Variants in SDK1 observed in about 807,000 individuals in gnomAD.
SDK1 encodes protein sidekick-1.
In SDK1, 157 loss-of-function variants were observed where a neutral mutation model predicts 245.5. The observed-to-expected ratio is 0.64, with a 90% CI of 0.56 to 0.73. The LOEUF (loss-of-function observed/expected upper bound fraction) is 0.73, where lower values mean the gene tolerates loss of function less well. SDK1 is among the 30% of genes least tolerant of loss of function. The pLI is 0.00. For missense variants in SDK1, 3,583 were observed against 3,002.3 expected (o/e 1.19, Z -4.52); for synonymous variants, 1,647 against 1,278.5 (o/e 1.29, Z -6.15).
intron 1 of SDK1, among the ~76,000 whole-genome samples, chr7:3,588,387 G>A (rs914222194): frequency 1.3e-5 from 2 of 152,206 alleles, no homozygotes; most frequent in South Asian, 4.1e-4. Context: ...ATGCTAAATT[G>A]TGTTGCAGTT....
At chr7:4,258,684 C>A (rs186478558) in intron 44 of SDK1, among the ~76,000 whole-genome samples, 1 of 152,106 alleles carries the variant, frequency 6.6e-6, no homozygotes, top group Non-Finnish European at 1.5e-5. Flanking sequence ...AGACCCAAGA[C>A]GAGGAAATTG....
At chr7:3,965,960 G>A (rs934262907) in intron 9 of SDK1, among the ~76,000 whole-genome samples, 4 of 151,880 alleles carry the variant, frequency 2.6e-5, no homozygotes, top group Non-Finnish European at 5.9e-5. Context: ...TGACAAGCAG[G>A]GTGGCCATGA....
At chr7:3,478,370 T>C (rs1781410586) in intron 1 of SDK1, among the ~76,000 whole-genome samples, 1 of 152,140 alleles carries the variant, frequency 6.6e-6, no homozygotes, top group African/African-American at 2.4e-5. Context: ...AATATATTAT[T>C]AGTGCTCTTA....
At chr7:4,128,923 G>C (rs1239804053) in intron 26 of SDK1, among the ~76,000 whole-genome samples, 1 of 125,884 alleles carries the variant, frequency 7.9e-6, no homozygotes. Flanking sequence ...GAGGAGAGCA[G>C]CTTGGGGTGG....
chr7:3,622,610 G>A (rs1562609739), intron 2 of SDK1, among the ~76,000 whole-genome samples: 1 of 152,188 alleles, frequency 6.6e-6, no homozygotes, highest in African/African-American at 2.4e-5. Context: ...TGCAGGAAGA[G>A]GTGGAACACT....
intron 5 of SDK1, among the ~76,000 whole-genome samples, chr7:3,891,588 G>A (rs962526168): frequency 1.3e-5 from 2 of 151,980 alleles, no homozygotes; most frequent in Non-Finnish European, 2.9e-5. Flanking sequence ...GTCATTTTTC[G>A]TGCATGTCCT....
At chr7:3,610,410 C>G (rs1312681148) in intron 1 of SDK1, among the ~76,000 whole-genome samples, 1 of 152,138 alleles carries the variant, frequency 6.6e-6, no homozygotes, top group Non-Finnish European at 1.5e-5. Flanking sequence ...GATAACCTTA[C>G]TCTTATTTTG....
intron 1 of SDK1, among the ~76,000 whole-genome samples, chr7:3,602,307 G>A (rs1369888901): frequency 1.2e-4 from 18 of 151,176 alleles, no homozygotes; most frequent in African/African-American, 4.1e-4. Flanking sequence ...GTGTAAAAGT[G>A]TTCCTATTTC....
At chr7:3,621,459 A>G (rs866977079) in intron 2 of SDK1, among the ~76,000 whole-genome samples, 1 of 152,352 alleles carries the variant, frequency 6.6e-6, no homozygotes, top group African/African-American at 2.4e-5. Context: ...TGGAGTTTCA[A>G]AGAACCCAGA....
intron 38 of SDK1, among the ~76,000 whole-genome samples, chr7:4,217,491 C>A (rs113792749): frequency 0.07 from 2,510 of 35,788 alleles, 205 homozygotes; most frequent in African/African-American, 0.098. Context: ...CCACCCGGAG[C>A]ACCACACCAC....
intron 1 of SDK1, among the ~76,000 whole-genome samples, chr7:3,349,222 AAC>A (rs941051000): frequency 1.3e-5 from 2 of 152,104 alleles, no homozygotes; most frequent in Non-Finnish European, 2.9e-5. Flanking sequence ...CAACAAAACA[AAC>A]ACACAACAGC....
intron 1 of SDK1, among the ~76,000 whole-genome samples, chr7:3,420,937 G>T (rs1252766994): frequency 6.6e-6 from 1 of 152,080 alleles, no homozygotes; most frequent in Non-Finnish European, 1.5e-5. Context: ...CCCAGTGTGT[G>T]TTGTTCCCCT....
chr7:3,724,312 C>A (rs1778944960), intron 4 of SDK1, among the ~76,000 whole-genome samples: 1 of 152,054 alleles, frequency 6.6e-6, no homozygotes, highest in Admixed American at 6.5e-5. Flanking sequence ...GGAGCTCACA[C>A]CTGTAATCCC....
intron 5 of SDK1, among the ~76,000 whole-genome samples, chr7:3,907,224 C>T (rs1051888975): frequency 6.6e-6 from 1 of 152,152 alleles, no homozygotes; most frequent in Non-Finnish European, 1.5e-5. Context: ...AAACATCCTG[C>T]ATATCTATTT....
chr7:4,021,520 G>T (rs1431533544), intron 17 of SDK1, among the ~76,000 whole-genome samples: 1 of 152,222 alleles, frequency 6.6e-6, no homozygotes, highest in Non-Finnish European at 1.5e-5. Context: ...GGCAGTCATA[G>T]CAGCAGCTCC....
chr7:4,240,487 TC>T (rs1786450708), intron 42 of SDK1, among the ~76,000 whole-genome samples: 1 of 152,004 alleles, frequency 6.6e-6, no homozygotes, highest in Admixed American at 6.6e-5. Flanking sequence ...AAATCCCCTC[TC>T]CCAGGCAAGC....
At chr7:3,414,320 C>G (rs1247285825) in intron 1 of SDK1, among the ~76,000 whole-genome samples, 1 of 151,998 alleles carries the variant, frequency 6.6e-6, no homozygotes, top group Non-Finnish European at 1.5e-5. Context: ...GACTGTTTGG[C>G]CCAGCCCACG....
At chr7:3,305,824 C>T (rs574878734) in intron 1 of SDK1, among the ~76,000 whole-genome samples, 1 of 152,226 alleles carries the variant, frequency 6.6e-6, no homozygotes, top group African/African-American at 2.4e-5. Context: ...CTGTAGCTGT[C>T]CTTTATTGAA....
At chr7:3,354,303 C>T (rs1028438171) in intron 1 of SDK1, among the ~76,000 whole-genome samples, 1 of 151,650 alleles carries the variant, frequency 6.6e-6, no homozygotes, top group African/African-American at 2.4e-5. Flanking sequence ...TTTCATTTAA[C>T]CAGCATTCAG....
Sources: gnomAD v4.1 joint callset for allele counts (sites outside exome capture counted in the v4.1 genomes callset) on GRCh38, gnomAD v4.1.1 for gene constraint, MANE v1.5 for transcripts, NCBI Gene and HGNC (gene_info 2026-07-23, HGNC 2026-07-21) for gene names.